Variants in OXA1L observed in about 807,000 individuals in gnomAD.
OXA1L encodes mitochondrial inner membrane protein OXA1L.
Under a neutral mutation model 52.2 loss-of-function variants are expected in OXA1L, and 42 were observed. The observed-to-expected ratio is 0.80, with a 90% CI of 0.63 to 1.04. The LOEUF (loss-of-function observed/expected upper bound fraction) is 1.04, where lower values mean the gene tolerates loss of function less well. Ranked by LOEUF, OXA1L falls within the 50% of genes least tolerant of loss-of-function variation. The probability of loss-of-function intolerance (pLI) is 0.00; values close to 1 mark genes in which losing one functional copy is unlikely to be tolerated. For synonymous variants in OXA1L, 239 were observed against 201.9 expected, an observed-to-expected ratio of 1.18 and a Z score of -1.56; for missense variants, 572 against 555.0, an observed-to-expected ratio of 1.03 and a Z score of -0.31.
In OXA1L at chr14:22,772,238, CT is replaced by C. The variant is rs34994757; in HGVS notation, c.*684del. 0.45 allele frequency: 68,294 copies of C among 150,582 alleles called. 16,929 individuals carry two copies. Among genetic ancestry groups the C allele is most frequent in the South Asian group, 0.6 (2,865 of 4,770 alleles). The allele number at this position is 150,582 out of a possible 1,614,324, so 9.3% of individuals were successfully genotyped here. On this transcript the variant is annotated 3_prime_UTR_variant, in exon 10 of 10. Transcript: ENST00000612549. ...GTGGCTCACGCCAGTAATCCCAGCA[CT>C]TTTGGGAGGCCAAGGCGGGCGGATC... is the stretch of plus-strand genomic sequence containing the variant.
intron 3 of OXA1L, 40 bp downstream of exon 3, chr14:22,768,211 C>T: frequency 6.7e-7 from 1 of 1,495,230 alleles, no homozygotes. Context: ...AGGGATTTAA[C>T]CTCATAGATG....
chr14:22,771,368 C>T lies in OXA1L; in HGVS notation c.1183+20C>T. ...CCAGGGGTAAATAGTCCTTTCAGGCCAAATTCTGTCTTTTGTTTCTTCCTT... is the reference window on the plus strand; with the variant it reads ...CCAGGGGTAAATAGTCCTTTCAGGCTAAATTCTGTCTTTTGTTTCTTCCTT... On this transcript the variant is annotated intron_variant, in intron 9 of 9. Coordinates refer to ENST00000612549, the MANE Select transcript of OXA1L (RefSeq NM_005015.5). The T allele has an allele frequency of 1.9e-6, 3 of 1,613,760 alleles. No individual in the cohort carries two copies. Among genetic ancestry groups the T allele is most frequent in the Non-Finnish European group, 2.5e-6 (3 of 1,179,668 alleles).
intron 7 of OXA1L, 48 bp from the exon 8 acceptor site, chr14:22,770,970 C>A: frequency 6.2e-7 from 1 of 1,613,118 alleles, no homozygotes. Context: ...ACCTAGCAAG[C>A]TGACCAGGGA....
chr14:22,766,722 CG>C lies in OXA1L; in HGVS notation c.23del (p.Gly8AspfsTer29). On this transcript the variant is annotated frameshift_variant, in exon 1 of 10. Coordinates refer to ENST00000612549, the MANE Select transcript of OXA1L (RefSeq NM_005015.5). LOFTEE classifies it high-confidence loss of function. The stretch of plus-strand genomic sequence containing the variant: ...GCAAAATGGCGATGGGACTAATGTG[CG>C]GACGCCGGGAGCTTCTGCGCTTGCT... MAMGLMC[G>X]RRELLRLLQS... 6.2e-7 allele frequency: 1 copy of C among 1,614,262 alleles called. No individual in the cohort carries two copies. Among genetic ancestry groups the C allele is most frequent in the South Asian group, 1.1e-5 (1 of 91,090 alleles).
In OXA1L at chr14:22,770,619, T is replaced by C; in HGVS notation, c.828T>C (p.Val276=). The C allele has an allele frequency of 6.2e-7, 1 of 1,610,564 alleles. No homozygotes were observed. Among genetic ancestry groups the C allele is most frequent in the Non-Finnish European group, 8.5e-7 (1 of 1,177,116 alleles). Residue 276 remains valine (V), a synonymous_variant, in exon 6 of 10, where the codon GTT becomes GTC. Coordinates refer to ENST00000612549, the MANE Select transcript of OXA1L (RefSeq NM_005015.5). ...CAGTCACTGCTACAATGTGGGCTGT[T>C]CTTGAGGTAAGCCCAGATTGGCCAA... ...PLAVTATMWA[V]LELGAETGVQ... is the part of the protein sequence containing the mutation.
intron 3 of OXA1L, chr14:22,769,023 A>G (rs2038434466): frequency 6.6e-6 from 1 of 152,038 alleles, no homozygotes. Context: ...CCCAGGTTCT[A>G]GCGATTCTCA....
Position 22,772,566 on chromosome 14 carries a change from G to C in OXA1L, c.*1008G>C, listed in dbSNP as rs201918793. On this transcript the variant is annotated 3_prime_UTR_variant, in exon 10 of 10. Transcript: ENST00000612549. ...GCATGTGTTGTTCTATGCACATTTG[G>C]ATTGCAGTCTAGAGGTGTGGCTGAT... 1 of 148,030 alleles carries C rather than the reference G, an allele frequency of 6.8e-6. No homozygotes were observed. Among genetic ancestry groups the C allele is most frequent in the East Asian group, 2.0e-4 (1 of 4,964 alleles). The allele number at this position is 148,030 out of a possible 1,614,324, so 9.2% of individuals were successfully genotyped here. A position where few individuals can be genotyped will look rare whatever the true frequency, so the allele number is the denominator to read the frequency against.
rs531745076 is a variant in OXA1L, at chr14:22,771,715, T to C, written c.*157T>C. ...ATTTCATGAAACACTCTTGTACTTA[T>C]GTTTATAAGAGAGCACTGGGTAGCC... On this transcript the variant is annotated 3_prime_UTR_variant, in exon 10 of 10. Coordinates refer to ENST00000612549, the MANE Select transcript of OXA1L (RefSeq NM_005015.5). The C allele has an allele frequency of 3.7e-4, 222 of 605,472 alleles. No homozygotes were observed. The highest frequency in any genetic ancestry group is 2.8e-3 in the African/African-American group (154 of 55,802). The allele number at this position is 605,472 out of a possible 1,614,324, so 37.5% of individuals were successfully genotyped here. A position where few individuals can be genotyped will look rare whatever the true frequency, so the allele number is the denominator to read the frequency against.
At chr14:22,767,035 A>T (rs2038411919) in intron 1 of OXA1L, 1 of 1,535,856 alleles carries the variant, frequency 6.5e-7, no homozygotes, top group Non-Finnish European at 8.7e-7. Flanking sequence ...GCGATAACTG[A>T]GATGCGGGGA....
At chr14:22,769,510 T>G (rs2038439272) in intron 3 of OXA1L, among the ~76,000 whole-genome samples, 1 of 152,210 alleles carries the variant, frequency 6.6e-6, no homozygotes, top group Non-Finnish European at 1.5e-5. Context: ...GTAACATAAT[T>G]GCTAAATCCA....
At chr14:22,767,227 A>G (rs2038414783) in intron 1 of OXA1L, 21 bp from the exon 2 acceptor site, 1 of 1,594,668 alleles carries the variant, frequency 6.3e-7, no homozygotes, top group Middle Eastern at 1.7e-4. Flanking sequence ...AAGGGGCTCC[A>G]TCATCCTTTT....
In OXA1L at chr14:22,767,198, A is replaced by G. The variant is rs200801031; in HGVS notation, c.64-50A>G. The G allele has an allele frequency of 1.4e-5, 22 of 1,574,236 alleles. No individual in the cohort carries two copies. In the East Asian group the frequency reaches 4.0e-4, roughly 29 times the overall value. ...AATGAATCCCGTTTGCACCCACGCG[A>G]GGACTTCTGCTCCCGGTAAAGGGGC... On this transcript the variant is annotated intron_variant, in intron 1 of 9. Transcript: ENST00000612549.
rs1242392219 is a variant in OXA1L at position 22,772,707 on chromosome 14, A to C, written c.*1149A>C. ...AATTCTTAGTGATAATTAAGAATGA[A>C]AGTTCCAGGCTGGGCAAAGTGGCTC... On this transcript the variant is annotated 3_prime_UTR_variant, in exon 10 of 10. Transcript: ENST00000612549. 6.6e-6 allele frequency: 1 copy of C among 152,290 alleles called. No homozygotes were observed. The highest frequency in any genetic ancestry group is 1.5e-5 in the Non-Finnish European group (1 of 68,174). 9.4% of individuals were successfully genotyped at this position (152,290 alleles called of 1,614,324 possible).
At position 22,770,564 on chromosome 14, in the gene OXA1L, T is replaced by G. The variant is rs765949038; in HGVS notation, c.773T>G (p.Val258Gly). 4.3e-6 allele frequency: 7 copies of G among 1,614,010 alleles called. No individual in the cohort carries two copies. The highest frequency in any genetic ancestry group is 1.3e-5 in the African/African-American group (1 of 74,914). ...GGLWWFQDLT[V>G]SDPIYILPLA... The stretch of plus-strand genomic sequence containing the variant: ...CTCTGGTGGTTCCAGGATCTCACGG[T>G]ATCCGATCCCATCTACATATTACCA... The change falls in exon 6 of 10, where the codon GTA (valine) becomes GGA (glycine). Residue 258 changes from valine (V) to glycine (G), a missense_variant. Coordinates refer to ENST00000612549, the MANE Select transcript of OXA1L (RefSeq NM_005015.5).
At position 22,768,191 on chromosome 14, in the gene OXA1L, G is replaced by T; in HGVS notation, c.439+20G>T. The T allele has an allele frequency of 1.9e-6, 3 of 1,588,818 alleles. No homozygotes were observed. Among genetic ancestry groups the T allele is most frequent in the Non-Finnish European group, 2.6e-6 (3 of 1,156,938 alleles). On this transcript the variant is annotated intron_variant, in intron 3 of 9. Coordinates refer to ENST00000612549, the MANE Select transcript of OXA1L (RefSeq NM_005015.5). ...CTGCATGTAAGGGGAATATACCCTGGACATGGGTTAGGGATTTAACCTCAT... is the reference window on the plus strand; with the variant it reads ...CTGCATGTAAGGGGAATATACCCTGTACATGGGTTAGGGATTTAACCTCAT...
rs1358070226 is a variant in OXA1L at position 22,770,577 on chromosome 14, C to T, written c.786C>T (p.Ile262=). 2 of 1,614,010 alleles carry T rather than the reference C, an allele frequency of 1.2e-6. No homozygotes were observed. The highest frequency in any genetic ancestry group is 1.7e-6 in the Non-Finnish European group (2 of 1,179,898). ...WFQDLTVSDP[I]YILPLAVTAT... is the part of the protein sequence containing the mutation. ...AGGATCTCACGGTATCCGATCCCAT[C>T]TACATATTACCACTGGCAGTCACTG... The change falls in exon 6 of 10, where the codon ATC becomes ATT. Residue 262 remains isoleucine, a synonymous_variant. Coordinates refer to ENST00000612549, the MANE Select transcript of OXA1L (RefSeq NM_005015.5).
At position 22,767,381 on chromosome 14, in the gene OXA1L, C is replaced by T; in HGVS notation, c.197C>T (p.Thr66Ile). 3 of 1,612,258 alleles carry T rather than the reference C, an allele frequency of 1.9e-6. No individual in the cohort carries two copies. The highest frequency in any genetic ancestry group is 2.5e-6 in the Non-Finnish European group (3 of 1,179,390). Residue 66 changes from threonine to isoleucine, a missense_variant, in exon 2 of 10, where the codon ACC becomes ATC. Thr to Ile is a moderately conservative substitution (Grantham distance 89). This residue lies in a region of OXA1L where 186 missense variants were observed against 151.8 expected (regional missense o/e 1.23). Coordinates refer to ENST00000612549, the MANE Select transcript of OXA1L (RefSeq NM_005015.5). ...GCTTCCGGCCCCCGCAGCCTCAGTA[C>T]CTCTGCTATCTCTTTTGCAGAAGTC... is the stretch of plus-strand genomic sequence containing the variant. ...LAASGPRSLS[T>I]SAISFAEVQV... is the part of the protein sequence containing the mutation.
rs2038455227 is a variant in OXA1L at position 22,771,088 on chromosome 14, C to T, written c.1010C>T (p.Ala337Val). ...LVQVSCLRIP[A>V]VRTVLKIPQR... ...CAAGTATCCTGTCTCCGGATTCCAG[C>T]AGTACGCACTGTACTTAAAATCCCC... The change falls in exon 8 of 10, where the codon GCA (alanine) becomes GTA (valine). Residue 337 changes from alanine to valine, a missense_variant. Transcript: ENST00000612549. 6.2e-7 allele frequency: 1 copy of T among 1,614,062 alleles called. No homozygotes were observed. The highest frequency in any genetic ancestry group is 8.5e-7 in the Non-Finnish European group (1 of 1,179,950).
chr14:22,767,006 G>C, intron 1 of OXA1L: 1 of 1,535,096 alleles, frequency 6.5e-7, no homozygotes, highest in Non-Finnish European at 8.7e-7. Context: ...TCGTTCTCAG[G>C]GCCCTCCGAT....
Sources: gnomAD v4.1 joint callset for allele counts (sites outside exome capture counted in the v4.1 genomes callset) on GRCh38, gnomAD v4.1.1 for gene constraint, gnomAD v4.1.1 regional missense constraint, MANE v1.5 for transcripts, NCBI Gene and HGNC (gene_info 2026-07-23, HGNC 2026-07-21) for gene names.